CNIH3: variants seen among roughly 807,000 people sequenced by gnomAD.
CNIH3 encodes protein cornichon homolog 3.
Under a neutral mutation model 24.1 loss-of-function variants are expected in CNIH3, and 14 were observed. The observed-to-expected ratio is 0.58, with a 90% CI of 0.38 to 0.91. CNIH3 has a LOEUF of 0.91. CNIH3 is among the 40% of genes least tolerant of loss of function. CNIH3 has a pLI of 0.00. For missense variants in CNIH3, 178 were observed against 196.8 expected (o/e 0.90, Z 0.57); for synonymous variants, 68 against 73.8 (o/e 0.92, Z 0.40).
At chr1:224,612,479 C>T (rs1362459647), upstream of CNIH3, among the ~76,000 whole-genome samples, 1 of 152,074 alleles carries the variant, frequency 6.6e-6, no homozygotes, top group Non-Finnish European at 1.5e-5. This position sits in a 1 kb window ranked among gnomAD's most constrained non-coding sequence, Gnocchi z 4.7. Context: ...CTTGATAAGC[C>T]CTGTGTTTTG....
chr1:224,739,295 C>CTTTTTTTT (rs11342205), intron 5 of CNIH3, 34 bp from the exon 6 acceptor site: 140 of 1,342,502 alleles, frequency 1.0e-4, no homozygotes, highest in South Asian at 4.4e-4. Flanking sequence ...ACCTTCCTCT[C>CTTTTTTTT]TTTTTTTTTT....
intron 1 of CNIH3, among the ~76,000 whole-genome samples, chr1:224,483,108 G>A (rs1157381592): frequency 6.6e-6 from 1 of 152,186 alleles, no homozygotes; most frequent in Non-Finnish European, 1.5e-5. Flanking sequence ...GCAGGGGAAT[G>A]GGGAGGGATG....
At chr1:224,494,567 T>A (rs1167932159) in intron 1 of CNIH3, among the ~76,000 whole-genome samples, 1 of 152,218 alleles carries the variant, frequency 6.6e-6, no homozygotes, top group African/African-American at 2.4e-5. Context: ...TCTTTGCTTG[T>A]GGCTGAAGCC....
At chr1:224,484,254 C>T (rs1676938727) in intron 1 of CNIH3, among the ~76,000 whole-genome samples, 1 of 151,222 alleles carries the variant, frequency 6.6e-6, no homozygotes. Context: ...CACGGTGAAA[C>T]CCTGTCTATA....
At chr1:224,449,827 C>G (rs1309058171) in intron 1 of CNIH3, among the ~76,000 whole-genome samples, 1 of 152,114 alleles carries the variant, frequency 6.6e-6, no homozygotes, top group Non-Finnish European at 1.5e-5. Context: ...GGCCCAGTCT[C>G]CCTCAAGTCC....
At chr1:224,573,705 GCTTTTTTCCATGTTTGT>G (rs1459665371) in intron 4 of CNIH3, among the ~76,000 whole-genome samples, 1 of 152,154 alleles carries the variant, frequency 6.6e-6, no homozygotes, top group Non-Finnish European at 1.5e-5. Flanking sequence ...TTCTTGGGGA[GCTTTTTTCCATGTTTGT>G]CTTTTTTCCA....
chr1:224,522,147 A>G (rs890440401), intron 2 of CNIH3, among the ~76,000 whole-genome samples: 2 of 152,192 alleles, frequency 1.3e-5, no homozygotes, highest in African/African-American at 4.8e-5. Flanking sequence ...TGTGTAGGCT[A>G]CTTCCTGAAG....
chr1:224,559,484 C>T (rs73115929), intron 3 of CNIH3, among the ~76,000 whole-genome samples: 51 of 152,238 alleles, frequency 3.4e-4, no homozygotes, highest in African/African-American at 1.1e-3. Flanking sequence ...CCTGCCTCAG[C>T]CTTCCAAGTA....
chr1:224,603,298 C>T (rs536627496), intron 3 of CNIH3, among the ~76,000 whole-genome samples: 3 of 152,346 alleles, frequency 2.0e-5, no homozygotes, highest in Non-Finnish European at 4.4e-5. Context: ...TTGCATGACT[C>T]AATCAGCTTC....
chr1:224,459,628 G>A (rs1675824678), intron 1 of CNIH3, among the ~76,000 whole-genome samples: 1 of 152,068 alleles, frequency 6.6e-6, no homozygotes, highest in African/African-American at 2.4e-5. Context: ...GTGGAGTGAA[G>A]CTGGGGTTTC....
intron 1 of CNIH3, among the ~76,000 whole-genome samples, chr1:224,644,875 C>T (rs904947075): frequency 6.6e-6 from 1 of 152,214 alleles, no homozygotes; most frequent in Non-Finnish European, 1.5e-5. Flanking sequence ...AGTGCATGCA[C>T]CTCCACTGAG....
chr1:224,725,939 C>T (rs1327366565), intron 3 of CNIH3, among the ~76,000 whole-genome samples: 1 of 152,150 alleles, frequency 6.6e-6, no homozygotes, highest in Admixed American at 6.5e-5. Context: ...CTATTGTTTT[C>T]ATAATCTATA....
intron 3 of CNIH3, among the ~76,000 whole-genome samples, chr1:224,701,130 A>T (rs557409670): frequency 6.6e-6 from 1 of 151,470 alleles, no homozygotes; most frequent in South Asian, 2.1e-4. Context: ...TGGCATGCAT[A>T]AGCTTCTGGA....
intron 2 of CNIH3, among the ~76,000 whole-genome samples, chr1:224,528,906 G>A (rs1207802277): frequency 6.6e-6 from 1 of 152,186 alleles, no homozygotes; most frequent in Admixed American, 6.5e-5. Context: ...CTAATGGTGG[G>A]ATTAAGAATT....
chr1:224,503,739 G>A (rs1334576652), intron 1 of CNIH3, among the ~76,000 whole-genome samples: 1 of 152,262 alleles, frequency 6.6e-6, no homozygotes, highest in Non-Finnish European at 1.5e-5. Context: ...AAACACAGCT[G>A]TGGCAAGGGA....
intron 1 of CNIH3, among the ~76,000 whole-genome samples, chr1:224,506,154 T>G (rs1677899334): frequency 6.6e-6 from 1 of 152,236 alleles, no homozygotes. Flanking sequence ...ATGAAATTCC[T>G]TTGTAACAAA....
intron 1 of CNIH3, among the ~76,000 whole-genome samples, chr1:224,506,010 C>T (rs1024776345): frequency 6.6e-6 from 1 of 152,202 alleles, no homozygotes; most frequent in East Asian, 1.9e-4. Flanking sequence ...AGTATACTCC[C>T]TCCCCTGCTC....
rs371580680 is a variant in CNIH3 at position 224,735,679 on chromosome 1, T to C, written c.455+973T>C. ...TTATTTTTTAATTTTTATTTAAAGA[T>C]GGGGTCTCACTGTTTTGCCCAGGCT... is the stretch of plus-strand genomic sequence containing the variant. On this transcript the variant is annotated intron_variant, in intron 5 of 5. Coordinates refer to ENST00000272133, the MANE Select transcript of CNIH3 (RefSeq NM_152495.2). 2.8e-4 allele frequency among the ~76,000 whole-genome samples: 43 copies of C among 152,290 alleles called. No individual in the cohort carries two copies. In the South Asian group the frequency reaches 8.9e-3, roughly 32 times the overall value.
At chr1:224,683,963 G>T (rs1686525247) in intron 2 of CNIH3, among the ~76,000 whole-genome samples, 1 of 152,174 alleles carries the variant, frequency 6.6e-6, no homozygotes, top group Non-Finnish European at 1.5e-5. Flanking sequence ...CTATATTTAT[G>T]ATTTAATTAG....
Sources: gnomAD v4.1 joint callset for allele counts (sites outside exome capture counted in the v4.1 genomes callset) on GRCh38, gnomAD v4.1.1 for gene constraint, Gnocchi (gnomAD v3.1) non-coding constraint, MANE v1.5 for transcripts, NCBI Gene and HGNC (gene_info 2026-07-23, HGNC 2026-07-21) for gene names.